The following FAM186B variants were observed in gnomAD, a reference collection of about 807,000 sequenced individuals.
FAM186B encodes the protein family with sequence similarity 186 member B, also known as protein FAM186B.
FAM186B carries 68 observed loss-of-function variants against 83.4 expected under a neutral mutation model. The observed-to-expected ratio is 0.81, with a 90% CI of 0.67 to 1.00. The LOEUF (loss-of-function observed/expected upper bound fraction) is 1.00, where lower values mean the gene tolerates loss of function less well. Ranked by LOEUF, FAM186B falls within the 50% of genes least tolerant of loss-of-function variation. FAM186B has a pLI of 0.00. For missense variants in FAM186B, 983 were observed against 1,099.2 expected, an observed-to-expected ratio of 0.89 and a Z score of 1.49; for synonymous variants, 389 against 422.0, an observed-to-expected ratio of 0.92 and a Z score of 0.96.
At chr12:49,615,458 C>T in the FAM186B span, among the ~76,000 whole-genome samples, 13 of 152,290 alleles carry the variant, frequency 8.5e-5, no homozygotes, top group Middle Eastern at 6.8e-3. Context: ...AACAAGAAGA[C>T]AAACAACCCA....
At chr12:49,598,528 T>A (rs562271536) in intron 5 of FAM186B, among the ~76,000 whole-genome samples, 1 of 152,286 alleles carries the variant, frequency 6.6e-6, no homozygotes, top group South Asian at 2.1e-4. Context: ...CTCTCTGGGT[T>A]GCTCTCCCCA....
At chr12:49,619,485 G>T in the FAM186B span, 1 of 680,074 alleles carries the variant, frequency 1.5e-6, no homozygotes. Flanking sequence ...AAGAGCAGGG[G>T]AAATACTAAA....
intron 3 of FAM186B, among the ~76,000 whole-genome samples, chr12:49,602,473 G>C (rs2138303150): frequency 6.6e-6 from 1 of 152,306 alleles, no homozygotes; most frequent in South Asian, 2.1e-4. Flanking sequence ...CTCACACTGT[G>C]TGGAAGCCTC....
Position 49,600,878 on chromosome 12 carries a change from G to A in FAM186B, c.762C>T (p.Asn254=). 1.2e-6 allele frequency: 2 copies of A among 1,614,148 alleles called. No homozygotes were observed. The highest frequency in any genetic ancestry group is 1.1e-5 in the South Asian group (1 of 91,076). Residue 254 remains asparagine, a synonymous_variant, in exon 4 of 7, where the codon AAC becomes AAT. Coordinates refer to ENST00000257894, the MANE Select transcript of FAM186B (RefSeq NM_032130.3). This position sits in a 1 kb window ranked among gnomAD's most constrained non-coding sequence, Gnocchi z 4.3. ...NKALILQHKE[N]RSLETKYRHL... is the part of the protein sequence containing the mutation. ...GCCTGTATTTGGTCTCCAGGCTCCT[G>A]TTCTCCTTGTGTTGGAGGATCAAGG... is the stretch of plus-strand genomic sequence containing the variant.
At chr12:49,610,184 G>C (rs2605323), upstream of FAM186B, among the ~76,000 whole-genome samples, 1 of 148,394 alleles carries the variant, frequency 6.7e-6, no homozygotes, top group Non-Finnish European at 1.5e-5. Context: ...GAAATAAAAA[G>C]AAAAAAATTC....
chr12:49,586,856 C>G (rs1398168229), downstream of FAM186B, among the ~76,000 whole-genome samples: 2 of 152,194 alleles, frequency 1.3e-5, no homozygotes, highest in Non-Finnish European at 2.9e-5. Context: ...TGCTATGCCT[C>G]CCTGTCTCAC....
At chr12:49,617,169 C>A in the FAM186B span, among the ~76,000 whole-genome samples, 1 of 152,166 alleles carries the variant, frequency 6.6e-6, no homozygotes, top group Non-Finnish European at 1.5e-5. Context: ...GAGATGTTTA[C>A]AAACTTTAAA....
chr12:49,605,158 C>A, intron 1 of FAM186B: 1 of 1,367,610 alleles, frequency 7.3e-7, no homozygotes, highest in Non-Finnish European at 9.5e-7. Flanking sequence ...GCCCCCTTCC[C>A]GGGCCCCAGC....
upstream of FAM186B, among the ~76,000 whole-genome samples, chr12:49,610,498 A>G (rs1333529506): frequency 3.3e-5 from 5 of 152,220 alleles, no homozygotes. Context: ...AGCTTCTGGA[A>G]TTGAAAAACA....
rs776334569 is a variant in FAM186B, at chr12:49,605,457, T to C, written c.21A>G (p.Pro7=). Reference sequence around the variant, plus strand: ...TCACTGATGTGGGAGTCACCAACTGTGGGGGGTCATCCTTCTCCATTTTGG... The same window carrying C: ...TCACTGATGTGGGAGTCACCAACTGCGGGGGGTCATCCTTCTCCATTTTGG... The part of the protein sequence containing the change: MEKDDP[P]QLVTPTSVKA... The change falls in exon 1 of 7, where the codon CCA becomes CCG. Residue 7 remains proline (P), a synonymous_variant. Transcript: ENST00000257894. The C allele has an allele frequency of 2.5e-6, 4 of 1,613,700 alleles. No homozygotes were observed. In the East Asian group the frequency reaches 6.7e-5, roughly 27 times the overall value.
In FAM186B at chr12:49,601,134, A is replaced by G; in HGVS notation, c.506T>C (p.Val169Ala). 6.5e-7 allele frequency: 1 copy of G among 1,550,092 alleles called. No homozygotes were observed. Among genetic ancestry groups the G allele is most frequent in the Non-Finnish European group, 8.7e-7 (1 of 1,147,270 alleles). The change falls in exon 4 of 7, where the codon GTG becomes GCG. Residue 169 changes from valine to alanine, a missense_variant and splice_region_variant. Val to Ala is a moderately conservative substitution (Grantham distance 64). Coordinates refer to ENST00000257894, the MANE Select transcript of FAM186B (RefSeq NM_032130.3). ...LIEGQKKRSQVSKRTFWQGWQ... is the reference protein window; with the variant it reads ...LIEGQKKRSQASKRTFWQGWQ... ...GCCCTGCCAGAAGGTGCGTTTGGAC[A>G]CTGGGACAGGTAGAGAGAAAAAAGT...
upstream of FAM186B, among the ~76,000 whole-genome samples, chr12:49,609,985 C>T (rs1315806861): frequency 6.6e-6 from 1 of 152,192 alleles, no homozygotes; most frequent in Non-Finnish European, 1.5e-5. Flanking sequence ...CTGGCTCTTA[C>T]TTATAAGTGC....
intron 4 of FAM186B, 131 bp downstream of exon 4, chr12:49,599,338 G>A (rs1592552168): frequency 7.3e-7 from 1 of 1,378,522 alleles, no homozygotes; most frequent in East Asian, 2.7e-5. Context: ...CCCCACTCAG[G>A]AGACCCTGTC....
intron 5 of FAM186B, among the ~76,000 whole-genome samples, chr12:49,597,888 C>G (rs756247811): frequency 6.6e-6 from 1 of 152,102 alleles, no homozygotes; most frequent in Non-Finnish European, 1.5e-5. Flanking sequence ...GGTGAAACCC[C>G]GTCTCTACTA....
chr12:49,605,411 C>T lies in FAM186B; in HGVS notation c.67G>A (p.Glu23Lys). 2 of 1,613,736 alleles carry T rather than the reference C, an allele frequency of 1.2e-6. No individual in the cohort carries two copies. The highest frequency in any genetic ancestry group is 1.7e-6 in the Non-Finnish European group (2 of 1,179,896). Residue 23 changes from glutamate (E) to lysine (K), a missense_variant, in exon 1 of 7, where the codon GAG (glutamate) becomes AAG (lysine). Transcript: ENST00000257894. ...TSVKAIILRIEAAQLTRAQED... is the reference protein window; with the variant it reads ...TSVKAIILRIKAAQLTRAQED... The stretch of plus-strand genomic sequence containing the variant: ...TGAGCCCGAGTTAGCTGGGCAGCCT[C>T]AATCCTCAGGATGATGGCTTTCACT...
the FAM186B span, among the ~76,000 whole-genome samples, chr12:49,621,640 A>T: frequency 2.0e-5 from 3 of 152,386 alleles, no homozygotes; most frequent in Admixed American, 6.5e-5. Flanking sequence ...AAATGATTTT[A>T]AAAAACAAGA....
In FAM186B at chr12:49,598,696, G is replaced by A. The variant is rs560437634; in HGVS notation, c.2364+59C>T. On this transcript the variant is annotated intron_variant, in intron 5 of 6. Coordinates refer to ENST00000257894, the MANE Select transcript of FAM186B (RefSeq NM_032130.3). ...ACGGGTTCATTTCAGGCCCCAAGCCGACTGGCTGTGCTGACCCCAGGAGGC... is the reference window on the plus strand; with the variant it reads ...ACGGGTTCATTTCAGGCCCCAAGCCAACTGGCTGTGCTGACCCCAGGAGGC... 5,246 of 1,497,326 alleles carry A rather than the reference G, an allele frequency of 3.5e-3. 14 individuals are homozygous for A. Among genetic ancestry groups the A allele is most frequent in the Non-Finnish European group, 3.7e-3 (4,162 of 1,110,102 alleles). 92.8% of individuals were successfully genotyped at this position (1,497,326 alleles called of 1,614,324 possible). A position where few individuals can be genotyped will look rare whatever the true frequency, so the allele number is the denominator to read the frequency against.
chr12:49,608,691 G>GC (rs1413283705), upstream of FAM186B, among the ~76,000 whole-genome samples: 3 of 151,668 alleles, frequency 2.0e-5, no homozygotes, highest in African/African-American at 7.3e-5. Context: ...AAGGCAAACA[G>GC]CCCCCGTGAT....
chr12:49,605,020 A>G (rs934615113), intron 1 of FAM186B, among the ~76,000 whole-genome samples: 2 of 152,106 alleles, frequency 1.3e-5, no homozygotes, highest in Admixed American at 6.5e-5. Flanking sequence ...CCCAACCCCT[A>G]TGAACTTCCT....
Sources: gnomAD v4.1 joint callset for allele counts (sites outside exome capture counted in the v4.1 genomes callset) on GRCh38, gnomAD v4.1.1 for gene constraint, Gnocchi (gnomAD v3.1) non-coding constraint, MANE v1.5 for transcripts, NCBI Gene and HGNC (gene_info 2026-07-23, HGNC 2026-07-21) for gene names.